Variants in RCAN2 observed in about 807,000 individuals in gnomAD.
RCAN2 encodes the protein calcipressin-2.
A neutral mutation model predicts 23.6 loss-of-function variants in RCAN2; 9 were observed. The ratio of observed to expected loss-of-function variants is 0.38; its 90% confidence interval spans 0.23 to 0.67. RCAN2 has a LOEUF of 0.67. Ranked by LOEUF, RCAN2 falls within the 30% of genes least tolerant of loss-of-function variation. The probability of loss-of-function intolerance (pLI) is 0.51; values close to 1 mark genes in which losing one functional copy is unlikely to be tolerated. For synonymous variants in RCAN2, 109 were observed against 115.7 expected (o/e 0.94, Z 0.37); for missense variants, 273 against 302.3 (o/e 0.90, Z 0.72).
At chr6:46,447,213 T>TA (rs1056581380) in intron 2 of RCAN2, among the ~76,000 whole-genome samples, 3 of 151,794 alleles carry the variant, frequency 2.0e-5, no homozygotes, top group African/African-American at 4.8e-5. Flanking sequence ...GAATTTATAT[T>TA]AAAAAAAGTA....
chr6:46,428,464 G>A (rs1381156656), intron 2 of RCAN2, among the ~76,000 whole-genome samples: 1 of 152,120 alleles, frequency 6.6e-6, no homozygotes, highest in Admixed American at 6.5e-5. Context: ...ATGGTACTTT[G>A]AACAGTAAAC....
intron 2 of RCAN2, among the ~76,000 whole-genome samples, chr6:46,317,832 A>C (rs996338779): frequency 4.6e-5 from 7 of 152,218 alleles, no homozygotes; most frequent in African/African-American, 1.7e-4. Flanking sequence ...TGGAAAGAAC[A>C]GTTCAAGTCC....
intron 2 of RCAN2, among the ~76,000 whole-genome samples, chr6:46,283,369 G>A (rs1762265525): frequency 6.6e-6 from 1 of 152,140 alleles, no homozygotes; most frequent in African/African-American, 2.4e-5. Flanking sequence ...CTTGAGCCCA[G>A]GAGATCGAGG....
chr6:46,235,483 C>T (rs1270064003), intron 4 of RCAN2, among the ~76,000 whole-genome samples: 2 of 152,182 alleles, frequency 1.3e-5, no homozygotes, highest in African/African-American at 4.8e-5. Context: ...AGCTACATAT[C>T]CAGGCCTGAT....
chr6:46,283,118 C>T (rs1239531124), intron 2 of RCAN2, among the ~76,000 whole-genome samples: 3 of 152,150 alleles, frequency 2.0e-5, no homozygotes, highest in African/African-American at 7.2e-5. Flanking sequence ...ACCAAGGCAG[C>T]ACTGCAGGGC....
chr6:46,469,227 C>G (rs1264803942), intron 1 of RCAN2, among the ~76,000 whole-genome samples: 1 of 152,210 alleles, frequency 6.6e-6, no homozygotes, highest in Non-Finnish European at 1.5e-5. Flanking sequence ...GTTTCTCTCA[C>G]TATTGTCAGA....
chr6:46,275,872 G>A (rs1767679366), intron 2 of RCAN2, among the ~76,000 whole-genome samples: 1 of 152,190 alleles, frequency 6.6e-6, no homozygotes, highest in South Asian at 2.1e-4. Flanking sequence ...CATCCACTAT[G>A]AGGTCATCAC....
chr6:46,299,978 G>A (rs570051057), intron 2 of RCAN2, among the ~76,000 whole-genome samples: 72 of 151,718 alleles, frequency 4.7e-4, no homozygotes, highest in African/African-American at 1.5e-3. Flanking sequence ...TGATATACAC[G>A]AAGATAAAGT....
chr6:46,437,772 C>G, intron 2 of RCAN2, among the ~76,000 whole-genome samples: 1 of 152,130 alleles, frequency 6.6e-6, no homozygotes, highest in East Asian at 1.9e-4. Context: ...TCTGTAGAGT[C>G]CAGACACAGG....
rs868231197 is a variant in RCAN2 at position 46,376,720 on chromosome 6, A to C, written c.225+80032T>G. On this transcript the variant is annotated intron_variant, in intron 2 of 4. Coordinates refer to ENST00000371374, the MANE Select transcript of RCAN2 (RefSeq NM_001251974.2). ...AAAAAAACCAAACAAACAAACAAAA[A>C]AAAAAAACACGGTAGGCTCTGGGCC... Among the ~76,000 whole-genome samples, 879 of 152,102 alleles carry C rather than the reference A, an allele frequency of 5.8e-3. 10 individuals are homozygous for C. The highest frequency in any genetic ancestry group is 0.019 in the African/African-American group (797 of 41,494).
chr6:46,437,631 G>A (rs78332032), intron 2 of RCAN2, among the ~76,000 whole-genome samples: 282 of 152,258 alleles, frequency 1.9e-3, no homozygotes, highest in South Asian at 6.2e-3. Context: ...AAAGTCAATC[G>A]TCTCAGGAAA....
At chr6:46,474,198 T>C (rs1768647153) in intron 1 of RCAN2, among the ~76,000 whole-genome samples, 1 of 151,308 alleles carries the variant, frequency 6.6e-6, no homozygotes, top group Non-Finnish European at 1.5e-5. Context: ...GCAGCAGACA[T>C]TTAGAGAAAG....
chr6:46,475,544 C>A (rs1037478537), intron 1 of RCAN2, among the ~76,000 whole-genome samples: 3 of 152,148 alleles, frequency 2.0e-5, no homozygotes, highest in African/African-American at 4.8e-5. Flanking sequence ...TCTTTCCAAA[C>A]AAACAGAAAA....
chr6:46,346,833 T>TAAATAA (rs1162028881), intron 2 of RCAN2, among the ~76,000 whole-genome samples: 6 of 151,712 alleles, frequency 4.0e-5, no homozygotes, highest in Non-Finnish European at 8.8e-5. Flanking sequence ...GGGAGAAAAA[T>TAAATAA]CTAACCAGTT....
intron 2 of RCAN2, among the ~76,000 whole-genome samples, chr6:46,278,400 C>CAA (rs146093176): frequency 6.6e-6 from 1 of 151,496 alleles, no homozygotes; most frequent in African/African-American, 2.4e-5. Context: ...CACATACACA[C>CAA]AAAAAAAACC....
At chr6:46,329,079 A>G (rs905007374) in intron 2 of RCAN2, among the ~76,000 whole-genome samples, 2 of 152,012 alleles carry the variant, frequency 1.3e-5, no homozygotes, top group South Asian at 2.1e-4. Context: ...TTCCAGCCCA[A>G]TTGGCCTTAT....
At chr6:46,434,530 T>G (rs1767312971) in intron 2 of RCAN2, among the ~76,000 whole-genome samples, 1 of 152,190 alleles carries the variant, frequency 6.6e-6, no homozygotes, top group South Asian at 2.1e-4. Context: ...AGAGAGGACT[T>G]GAAGAACTGC....
chr6:46,434,422 C>T (rs1767308908), intron 2 of RCAN2, among the ~76,000 whole-genome samples: 1 of 152,058 alleles, frequency 6.6e-6, no homozygotes, highest in Non-Finnish European at 1.5e-5. Flanking sequence ...GGAGACCTTA[C>T]ATGACAGTTT....
chr6:46,302,525 T>C (rs561214332), intron 2 of RCAN2, among the ~76,000 whole-genome samples: 1 of 152,218 alleles, frequency 6.6e-6, no homozygotes, highest in Admixed American at 6.5e-5. Flanking sequence ...TTTCAATAAA[T>C]TACGCTTTTT....
Sources: allele counts gnomAD v4.1 joint callset (sites outside exome capture counted in the v4.1 genomes callset), GRCh38; gene constraint gnomAD v4.1.1; transcripts MANE v1.5; gene names NCBI Gene and HGNC (gene_info 2026-07-23, HGNC 2026-07-21).